Variants in FER1L6 observed in about 807,000 individuals in gnomAD.
The protein encoded by FER1L6 is fer-1-like protein 6.
FER1L6 carries 177 observed loss-of-function variants against 219.2 expected under a neutral mutation model. That is an observed-to-expected ratio of 0.81 (90% CI 0.71 to 0.91). The LOEUF (loss-of-function observed/expected upper bound fraction) is 0.91, where lower values mean the gene tolerates loss of function less well. Ranked by LOEUF, FER1L6 falls within the 40% of genes least tolerant of loss-of-function variation. The pLI is 0.00. For missense variants in FER1L6, 2,153 were observed against 2,259.9 expected (o/e 0.95, Z 0.96); for synonymous variants, 768 against 824.3 (o/e 0.93, Z 1.17).
chr8:124,068,206 A>G (rs2130858140), intron 28 of FER1L6, among the ~76,000 whole-genome samples: 1 of 152,316 alleles, frequency 6.6e-6, no homozygotes, highest in South Asian at 2.1e-4. Flanking sequence ...TCAGATTTCA[A>G]ATGACCACAA....
chr8:123,911,231 CA>C (rs1289931826), intron 1 of FER1L6, among the ~76,000 whole-genome samples: 4 of 152,096 alleles, frequency 2.6e-5, no homozygotes, highest in Non-Finnish European at 5.9e-5. Context: ...TAACACATTT[CA>C]AAAAAAGTTA....
At chr8:123,898,661 A>G (rs945740580) in intron 1 of FER1L6, among the ~76,000 whole-genome samples, 4 of 125,044 alleles carry the variant, frequency 3.2e-5, no homozygotes, top group Admixed American at 2.3e-4. Flanking sequence ...ATATATATGT[A>G]TATATATACG....
chr8:124,083,268 C>T (rs1821645972), intron 33 of FER1L6, among the ~76,000 whole-genome samples: 1 of 152,064 alleles, frequency 6.6e-6, no homozygotes, highest in South Asian at 2.1e-4. Context: ...TATTTTTGTA[C>T]TCATTAACCA....
In FER1L6 at chr8:123,946,942, G is replaced by A. The variant is rs1228558060; in HGVS notation, c.-7-9050G>A. Among the ~76,000 whole-genome samples the A allele has an allele frequency of 3.3e-5, 5 of 152,060 alleles. No individual in the cohort carries two copies. The East Asian group carries it at 5.8e-4, about 18-fold the overall frequency. ...AGTGCAGTGCTTGGAACACAACAAG[G>A]CTCTGTGTACTTTTTTTTGAATGAC... On this transcript the variant is annotated intron_variant, in intron 1 of 40. Transcript: ENST00000522917.
Position 123,874,489 on chromosome 8 carries a change from G to A in FER1L6, c.-8+22304G>A, listed in dbSNP as rs550463779. ...GCTAATAGTAAGTGCTAAAGAAACG[G>A]TAGCTGGCTTCCTATTTTACATAGA... On this transcript the variant is annotated intron_variant, in intron 1 of 40. Coordinates refer to ENST00000522917, the MANE Select transcript of FER1L6 (RefSeq NM_001039112.2). Among the ~76,000 whole-genome samples the A allele has an allele frequency of 9.8e-5, 15 of 152,304 alleles. No individual in the cohort carries two copies. The South Asian group carries it at 1.7e-3, about 17-fold the overall frequency.
At chr8:124,083,773 G>A (rs991888996) in intron 33 of FER1L6, among the ~76,000 whole-genome samples, 7 of 151,976 alleles carry the variant, frequency 4.6e-5, no homozygotes, top group African/African-American at 1.5e-4. Flanking sequence ...GTGGTCCCAC[G>A]TAAATGTAAG....
At chr8:124,009,643 T>G (rs1817821430) in intron 13 of FER1L6, among the ~76,000 whole-genome samples, 1 of 152,212 alleles carries the variant, frequency 6.6e-6, no homozygotes, top group Admixed American at 6.5e-5. Context: ...GTGCTGGAGC[T>G]GGAGCCTGGG....
At chr8:124,029,277 T>C (rs1362603464) in intron 18 of FER1L6, among the ~76,000 whole-genome samples, 2 of 152,212 alleles carry the variant, frequency 1.3e-5, no homozygotes, top group Non-Finnish European at 2.9e-5. Context: ...TGATTTATAA[T>C]CCTTTGGGTA....
At chr8:124,052,107 A>T (rs1820065493) in intron 22 of FER1L6, among the ~76,000 whole-genome samples, 1 of 152,210 alleles carries the variant, frequency 6.6e-6, no homozygotes, top group African/African-American at 2.4e-5. Flanking sequence ...CTAGTCAAAT[A>T]GATTTGTGTT....
At chr8:123,893,143 T>C (rs1014906431) in intron 1 of FER1L6, among the ~76,000 whole-genome samples, 2 of 152,214 alleles carry the variant, frequency 1.3e-5, no homozygotes, top group African/African-American at 4.8e-5. Flanking sequence ...TCCAAAATTG[T>C]AGTTTTGCTT....
At chr8:124,030,407 G>T (rs1818904963) in intron 18 of FER1L6, among the ~76,000 whole-genome samples, 1 of 152,064 alleles carries the variant, frequency 6.6e-6, no homozygotes, top group Non-Finnish European at 1.5e-5. Context: ...AACAGAATTT[G>T]CAGAACTCAG....
chr8:124,076,002 G>T (rs995311300), intron 31 of FER1L6, among the ~76,000 whole-genome samples, 196 bp from the exon 32 acceptor site: 2 of 152,216 alleles, frequency 1.3e-5, no homozygotes, highest in Non-Finnish European at 2.9e-5. Context: ...AGATGCTAAA[G>T]TAGTGGCTCT....
chr8:123,956,216 G>A, intron 2 of FER1L6, 142 bp downstream of exon 2: 1 of 774,884 alleles, frequency 1.3e-6, no homozygotes, highest in African/African-American at 1.7e-5. Flanking sequence ...GGTCCTTCTA[G>A]TCACAGGTGT....
chr8:124,108,899 G>T (rs1822892665), intron 39 of FER1L6, among the ~76,000 whole-genome samples: 1 of 151,586 alleles, frequency 6.6e-6, no homozygotes, highest in Non-Finnish European at 1.5e-5. Context: ...GGAAAGAAAA[G>T]AAAAAGGGAG....
chr8:123,860,074 C>T (rs1298939468), intron 1 of FER1L6, among the ~76,000 whole-genome samples: 3 of 140,738 alleles, frequency 2.1e-5, no homozygotes, highest in Admixed American at 1.4e-4. Flanking sequence ...TGGTGCACTG[C>T]ACCCACTAAC....
chr8:124,057,792 A>G (rs959651156), intron 22 of FER1L6, among the ~76,000 whole-genome samples: 1 of 152,086 alleles, frequency 6.6e-6, no homozygotes, highest in Non-Finnish European at 1.5e-5. Flanking sequence ...CTATTCACTA[A>G]GTTCTTCTTT....
At chr8:123,995,797 C>T (rs1817106680) in intron 12 of FER1L6, among the ~76,000 whole-genome samples, 1 of 151,872 alleles carries the variant, frequency 6.6e-6, no homozygotes, top group Non-Finnish European at 1.5e-5. Context: ...GATGTAGGTG[C>T]TTATTGCTAT....
At chr8:123,856,908 G>A (rs1047292802) in intron 1 of FER1L6, among the ~76,000 whole-genome samples, 2 of 152,116 alleles carry the variant, frequency 1.3e-5, no homozygotes, top group Admixed American at 6.5e-5. Context: ...AGATGGGGCA[G>A]ACCAGCCCCA....
intron 1 of FER1L6, among the ~76,000 whole-genome samples, chr8:123,880,312 C>T (rs905942233): frequency 2.0e-5 from 3 of 152,208 alleles, no homozygotes; most frequent in African/African-American, 7.2e-5. Context: ...CGCCTCTTTT[C>T]ATGACATTTA....
Sources: allele counts gnomAD v4.1 joint callset (sites outside exome capture counted in the v4.1 genomes callset), GRCh38; gene constraint gnomAD v4.1.1; transcripts MANE v1.5; gene names NCBI Gene and HGNC (gene_info 2026-07-23, HGNC 2026-07-21).